Variants in DCDC1 observed in about 807,000 individuals in gnomAD.
The protein encoded by DCDC1 is doublecortin domain containing 1.
In DCDC1, 200 loss-of-function variants were observed where a neutral mutation model predicts 178.3. The observed-to-expected ratio is 1.12, with a 90% confidence interval of 1.00 to 1.26. The LOEUF is 1.26. Ranked by LOEUF, DCDC1 falls within the 50% of genes most tolerant of loss-of-function variation. DCDC1 has a pLI of 0.00. For synonymous variants in DCDC1, 690 were observed against 604.8 expected (o/e 1.14, Z -2.07); for missense variants, 1,983 against 1,749.2 (o/e 1.13, Z -2.38).
At chr11:30,935,710 C>A (rs1252899649) in intron 21 of DCDC1, among the ~76,000 whole-genome samples, 1 of 152,076 alleles carries the variant, frequency 6.6e-6, no homozygotes. Flanking sequence ...AGTGCTACCA[C>A]GCCCAGCTAT....
intron 25 of DCDC1, among the ~76,000 whole-genome samples, chr11:30,917,449 C>T (rs1347899796): frequency 6.6e-6 from 1 of 152,166 alleles, no homozygotes; most frequent in African/African-American, 2.4e-5. Context: ...AAAGTTTACT[C>T]ATTAGACAAG....
chr11:31,165,332 CT>C (rs76918620), intron 9 of DCDC1, among the ~76,000 whole-genome samples: 15 of 149,016 alleles, frequency 1.0e-4, no homozygotes, highest in African/African-American at 2.9e-4. Flanking sequence ...GTTTGAAAGC[CT>C]TTTTTTTTTC....
At position 31,195,123 on chromosome 11, in the gene DCDC1, G is replaced by A. The variant is rs939384194; in HGVS notation, c.1221+46327C>T. On this transcript the variant is annotated intron_variant, in intron 9 of 38. Transcript: ENST00000684477. ...TTTAGAAGAGAGTTACAACATACAC[G>A]TTTCTAAGGTGAAAGAAGTCAAAGC... Among the ~76,000 whole-genome samples the A allele has an allele frequency of 2.6e-5, 4 of 152,160 alleles. No homozygotes were observed. In the East Asian group the frequency reaches 5.8e-4, roughly 22 times the overall value.
At chr11:30,918,388 G>A (rs1946012854) in intron 25 of DCDC1, among the ~76,000 whole-genome samples, 1 of 152,122 alleles carries the variant, frequency 6.6e-6, no homozygotes, top group African/African-American at 2.4e-5. Flanking sequence ...CTACAAGACA[G>A]GTAAGTTATC....
At position 31,220,015 on chromosome 11, in the gene DCDC1, G is replaced by GA. The variant is rs144588458; in HGVS notation, c.1221+21434dup. On this transcript the variant is annotated intron_variant, in intron 9 of 38. Transcript: ENST00000684477. ...ACAGTACAGGATACTGGATTGGCCA[G>GA]AAAATTTTTTAAAATTACTCTGAAG... Among the ~76,000 whole-genome samples the GA allele has an allele frequency of 6.3e-3, 964 of 152,182 alleles. 6 individuals are homozygous for GA. Among genetic ancestry groups the GA allele is most frequent in the Non-Finnish European group, 0.01 (708 of 68,014 alleles).
chr11:30,876,796 T>C (rs1042566455), intron 38 of DCDC1, among the ~76,000 whole-genome samples: 1 of 152,054 alleles, frequency 6.6e-6, no homozygotes, highest in Non-Finnish European at 1.5e-5. Context: ...TTTCAAGGAA[T>C]GAAAACAAAA....
chr11:31,254,921 C>T (rs928782589), intron 8 of DCDC1, among the ~76,000 whole-genome samples: 3 of 152,024 alleles, frequency 2.0e-5, no homozygotes, highest in Admixed American at 1.3e-4. Flanking sequence ...AAAGTAAAAC[C>T]ACTTATACAT....
At chr11:31,059,422 T>C (rs1440289520) in intron 20 of DCDC1, among the ~76,000 whole-genome samples, 1 of 152,024 alleles carries the variant, frequency 6.6e-6, no homozygotes, top group Non-Finnish European at 1.5e-5. Flanking sequence ...AATAATTTCA[T>C]GTTCTTAAAT....
intron 9 of DCDC1, among the ~76,000 whole-genome samples, chr11:31,202,085 G>A (rs542548448): frequency 2.0e-5 from 3 of 152,118 alleles, no homozygotes; most frequent in Non-Finnish European, 2.9e-5. Flanking sequence ...GCACTGCAGT[G>A]TCAAAAACCT....
chr11:31,129,950 C>T (rs1358656862), intron 10 of DCDC1, among the ~76,000 whole-genome samples: 1 of 152,172 alleles, frequency 6.6e-6, no homozygotes, highest in Non-Finnish European at 1.5e-5. Flanking sequence ...TCTCTTCTCA[C>T]TGTCCCCTTG....
chr11:31,024,957 T>C (rs1186362132), intron 20 of DCDC1, among the ~76,000 whole-genome samples: 1 of 151,934 alleles, frequency 6.6e-6, no homozygotes, highest in Non-Finnish European at 1.5e-5. Context: ...TCCATTAATT[T>C]CTCTGTTATA....
chr11:31,031,091 G>A (rs1350573370), intron 20 of DCDC1, among the ~76,000 whole-genome samples: 1 of 152,036 alleles, frequency 6.6e-6, no homozygotes, highest in Admixed American at 6.6e-5. Context: ...TATCATTTAG[G>A]CAGTCTTACA....
chr11:31,247,203 A>G (rs2136946719), intron 8 of DCDC1, among the ~76,000 whole-genome samples: 1 of 152,098 alleles, frequency 6.6e-6, no homozygotes, highest in Middle Eastern at 3.4e-3. Context: ...GTGTGGATGA[A>G]TGTTGACATT....
chr11:31,321,725 T>C (rs1009820904), intron 3 of DCDC1, among the ~76,000 whole-genome samples: 1 of 152,202 alleles, frequency 6.6e-6, no homozygotes, highest in Non-Finnish European at 1.5e-5. Flanking sequence ...AGCTAATCTA[T>C]ACCTATTACT....
intron 20 of DCDC1, among the ~76,000 whole-genome samples, chr11:30,997,332 A>T (rs1202717345): frequency 2.0e-5 from 3 of 152,228 alleles, no homozygotes; most frequent in African/African-American, 7.2e-5. Flanking sequence ...TACTGTCTGC[A>T]AAGTAAAACA....
intron 15 of DCDC1, among the ~76,000 whole-genome samples, chr11:31,097,887 T>C (rs72882681): frequency 0.013 from 2,032 of 152,308 alleles, 25 homozygotes; most frequent in Non-Finnish European, 0.022. Flanking sequence ...ACAAAAAGAA[T>C]AATGCCAGAA....
rs1321959 is a variant in DCDC1, at chr11:30,990,655, C to T, written c.2592-38087G>A. Among the ~76,000 whole-genome samples, 608 of 152,228 alleles carry T rather than the reference C, an allele frequency of 4.0e-3. 2 individuals are homozygous for T. Among genetic ancestry groups the T allele is most frequent in the South Asian group, 9.8e-3 (47 of 4,818 alleles). On this transcript the variant is annotated intron_variant, in intron 20 of 38. Transcript: ENST00000684477. ...TTGTTAGGTGACCTTATTTTTACCT[C>T]GGGTAGTAAGGTCTGAAGACATTTA... is the stretch of plus-strand genomic sequence containing the variant.
chr11:31,115,524 G>A (rs1055130832), intron 11 of DCDC1, among the ~76,000 whole-genome samples: 5 of 152,132 alleles, frequency 3.3e-5, no homozygotes, highest in Non-Finnish European at 5.9e-5. Context: ...TTGGTTGGGT[G>A]TACTGTAACA....
At chr11:31,145,837 T>G (rs1281651755) in intron 9 of DCDC1, among the ~76,000 whole-genome samples, 1 of 152,236 alleles carries the variant, frequency 6.6e-6, no homozygotes, top group Non-Finnish European at 1.5e-5. Context: ...ACCCTAAATA[T>G]GTGCAGTGTG....
Sources: gnomAD v4.1 joint callset for allele counts (sites outside exome capture counted in the v4.1 genomes callset) on GRCh38, gnomAD v4.1.1 for gene constraint, MANE v1.5 for transcripts, NCBI Gene and HGNC (gene_info 2026-07-23, HGNC 2026-07-21) for gene names.